The following CERS5 variants were observed in gnomAD, a reference collection of about 807,000 sequenced individuals.
CERS5 encodes LAG1 homolog, ceramide synthase 5.
Under a neutral mutation model 58.9 loss-of-function variants are expected in CERS5, and 37 were observed. The observed-to-expected ratio is 0.63, with a 90% CI of 0.48 to 0.83. The LOEUF (loss-of-function observed/expected upper bound fraction) is 0.83, where lower values mean the gene tolerates loss of function less well. Among genes scored for constraint, CERS5 ranks in the 40% least tolerant of loss-of-function variants. The probability of loss-of-function intolerance (pLI) is 0.00; values close to 1 mark genes in which losing one functional copy is unlikely to be tolerated. For missense variants in CERS5, 398 were observed against 489.3 expected (o/e 0.81, Z 1.76); for synonymous variants, 147 against 177.8 (o/e 0.83, Z 1.38).
intron 9 of CERS5, 143 bp from the exon 10 acceptor site, chr12:50,130,837 T>C (rs1951278557): frequency 1.6e-6 from 1 of 618,572 alleles, no homozygotes; most frequent in South Asian, 2.9e-5. Context: ...GTCTGGACTA[T>C]GGCTACTGTT....
At chr12:50,156,842 G>T (rs561664659) in intron 1 of CERS5, among the ~76,000 whole-genome samples, 5 of 152,152 alleles carry the variant, frequency 3.3e-5, no homozygotes, top group Non-Finnish European at 7.4e-5. Context: ...AGGCCAGGAG[G>T]TCAAGGCTGT....
chr12:50,140,049 C>T (rs189452768), intron 4 of CERS5, among the ~76,000 whole-genome samples: 74 of 151,916 alleles, frequency 4.9e-4, no homozygotes, highest in African/African-American at 1.6e-3. Flanking sequence ...TTATTATTTC[C>T]TTACTTTAAC....
chr12:50,130,870 C>T (rs1207136989), intron 9 of CERS5, among the ~76,000 whole-genome samples, 176 bp from the exon 10 acceptor site: 1 of 152,136 alleles, frequency 6.6e-6, no homozygotes. Context: ...TACCTGCTTT[C>T]TAGTTTTCTC....
At chr12:50,143,233 C>T (rs1032305699) in intron 2 of CERS5, 29 bp from the exon 3 acceptor site, 1 of 1,613,164 alleles carries the variant, frequency 6.2e-7, no homozygotes, top group Non-Finnish European at 8.5e-7. Context: ...AGTCAGAACA[C>T]CCGTCTCCTC....
rs1455335353 is a variant in CERS5 at position 50,129,647 on chromosome 12, G to A, written c.*898C>T. On this transcript the variant is annotated 3_prime_UTR_variant, in exon 10 of 10. Coordinates refer to ENST00000317551, the MANE Select transcript of CERS5 (RefSeq NM_147190.5). Reference sequence around the variant, plus strand: ...CTTAAAAAACATAAAGCTCTAAAATGTAAGCACCCTGGCTGACTCTTCCTA... The same window carrying A: ...CTTAAAAAACATAAAGCTCTAAAATATAAGCACCCTGGCTGACTCTTCCTA... 6.6e-6 allele frequency: 1 copy of A among 151,510 alleles called. No homozygotes were observed. The highest frequency in any genetic ancestry group is 2.4e-5 in the African/African-American group (1 of 41,216). The allele number at this position is 151,510 out of a possible 1,614,324, so 9.4% of individuals were successfully genotyped here.
chr12:50,151,479 G>A (rs911883233), intron 1 of CERS5, among the ~76,000 whole-genome samples: 10 of 152,244 alleles, frequency 6.6e-5, no homozygotes, highest in Non-Finnish European at 1.3e-4. Flanking sequence ...CTTTGGCAGT[G>A]GAACTAGACT....
chr12:50,142,638 C>G (rs1952035961), intron 3 of CERS5, among the ~76,000 whole-genome samples: 1 of 151,064 alleles, frequency 6.6e-6, no homozygotes, highest in Non-Finnish European at 1.5e-5. Flanking sequence ...TTTTTCTTTA[C>G]ATGACAATTA....
At chr12:50,138,398 T>C (rs1592352199) in intron 5 of CERS5, among the ~76,000 whole-genome samples, 169 bp downstream of exon 5, 1 of 126,274 alleles carries the variant, frequency 7.9e-6, no homozygotes, top group Non-Finnish European at 1.6e-5. Flanking sequence ...CTCTTAGCAG[T>C]GGGGGGGAAA....
In CERS5 at chr12:50,137,826, A is replaced by G. The variant is rs759894439; in HGVS notation, c.544-6T>C. The G allele has an allele frequency of 3.2e-6, 5 of 1,575,224 alleles. No homozygotes were observed. The East Asian group carries it at 1.1e-4, about 35-fold the overall frequency. The stretch of plus-strand genomic sequence containing the variant: ...TAAAGCCCACTTGAAAGAGGCTGGA[A>G]GAGAGAAAGAAGTAGTTAGATTACC... On this transcript the variant is annotated splice_region_variant and splice_polypyrimidine_tract_variant and intron_variant, in intron 5 of 9. Transcript: ENST00000317551.
rs1232754238 is a variant in CERS5 at position 50,161,973 on chromosome 12, C to T, written c.197+5128G>A. On this transcript the variant is annotated intron_variant, in intron 1 of 9. Transcript: ENST00000317551. ...CACCGCAACCTCTGCCTCCTAGGTT[C>T]AAGCGATTCTCCTGCCTCAGCCTCC... is the stretch of plus-strand genomic sequence containing the variant. Among the ~76,000 whole-genome samples, 6 of 137,750 alleles carry T rather than the reference C, an allele frequency of 4.4e-5. No homozygotes were observed. The Admixed American group carries it at 4.9e-4, about 11-fold the overall frequency. 90.4% of individuals were successfully genotyped at this position (137,750 alleles called of 152,430 possible).
intron 1 of CERS5, chr12:50,165,644 G>C (rs964736460): frequency 2.3e-5 from 4 of 173,640 alleles, no homozygotes; most frequent in African/African-American, 7.2e-5. Context: ...TGAAAGACTT[G>C]AGTCAAAAAC....
In CERS5 at chr12:50,149,465, T is replaced by C. The variant is rs115018900; in HGVS notation, c.198-5408A>G. Among the ~76,000 whole-genome samples the C allele has an allele frequency of 8.0e-3, 1,213 of 152,340 alleles. 18 individuals are homozygous for C. The highest frequency in any genetic ancestry group is 0.028 in the African/African-American group (1,153 of 41,582). ...GGTTAATTAGGATGAAATTACCTAG[T>C]GCTTTCGCTTTTTCCTATCAAAGAC... On this transcript the variant is annotated intron_variant, in intron 1 of 9. Transcript: ENST00000317551.
chr12:50,134,438 T>C, intron 9 of CERS5, 108 bp downstream of exon 9: 1 of 1,607,764 alleles, frequency 6.2e-7, no homozygotes, highest in African/African-American at 1.3e-5. Flanking sequence ...GCTTTTTGCT[T>C]GGCCTGCTTG....
intron 9 of CERS5, chr12:50,132,984 G>C (rs1259547690): frequency 3.9e-6 from 5 of 1,289,028 alleles, no homozygotes; most frequent in Non-Finnish European, 5.1e-6. Context: ...AAACTGTCCA[G>C]CTCCCGCCAG....
At chr12:50,163,059 T>C (rs1342054632) in intron 1 of CERS5, among the ~76,000 whole-genome samples, 2 of 152,138 alleles carry the variant, frequency 1.3e-5, no homozygotes, top group African/African-American at 2.4e-5. Flanking sequence ...CCACCACATC[T>C]GGCTAACATT....
At chr12:50,138,506 CCTCA>C in intron 5 of CERS5, 57 bp downstream of exon 5, 1 of 1,387,484 alleles carries the variant, frequency 7.2e-7, no homozygotes, top group Non-Finnish European at 1.0e-6. Context: ...GGCAAAGGAC[CCTCA>C]CTCACTCCAC....
intron 1 of CERS5, among the ~76,000 whole-genome samples, chr12:50,161,414 A>T (rs542799184): frequency 6.6e-6 from 1 of 152,306 alleles, no homozygotes; most frequent in African/African-American, 2.4e-5. Flanking sequence ...CTGAAACACA[A>T]ATAGAGACTA....
At chr12:50,145,542 GA>G (rs1324050312) in intron 1 of CERS5, among the ~76,000 whole-genome samples, 2 of 152,094 alleles carry the variant, frequency 1.3e-5, no homozygotes, top group Admixed American at 6.6e-5. Flanking sequence ...TTGAGAATAA[GA>G]AACTTTATCT....
At chr12:50,151,322 G>T (rs1937933341) in intron 1 of CERS5, among the ~76,000 whole-genome samples, 1 of 152,062 alleles carries the variant, frequency 6.6e-6, no homozygotes. Context: ...ATTTTATTAG[G>T]TTGGTGCAAA....
Sources: allele counts gnomAD v4.1 joint callset (sites outside exome capture counted in the v4.1 genomes callset), GRCh38; gene constraint gnomAD v4.1.1; transcripts MANE v1.5; gene names NCBI Gene and HGNC (gene_info 2026-07-23, HGNC 2026-07-21).